TMTC4: variants seen among roughly 807,000 people sequenced by gnomAD.
TMTC4 encodes the protein protein O-mannosyl-transferase TMTC4.
A neutral mutation model predicts 86.0 loss-of-function variants in TMTC4; 65 were observed. The observed-to-expected ratio is 0.76, with a 90% confidence interval of 0.62 to 0.93. The LOEUF (loss-of-function observed/expected upper bound fraction) is 0.93, where lower values mean the gene tolerates loss of function less well. Among genes scored for constraint, TMTC4 ranks in the 40% least tolerant of loss-of-function variants. The pLI is 0.00. For synonymous variants in TMTC4, 379 were observed against 382.5 expected (o/e 0.99, Z 0.11); for missense variants, 866 against 948.1 (o/e 0.91, Z 1.14).
chr13:100,673,249 T>C (rs1358589940), intron 1 of TMTC4: 1 of 907,316 alleles, frequency 1.1e-6, no homozygotes, highest in African/African-American at 1.8e-5. Flanking sequence ...CTGTGAACCA[T>C]GAGGGCCCAA....
rs1373963408 is a variant in TMTC4 at position 100,662,950 on chromosome 13, C to G, written c.552+14G>C. 6.2e-7 allele frequency: 1 copy of G among 1,612,746 alleles called. No individual in the cohort carries two copies. The highest frequency in any genetic ancestry group is 8.5e-7 in the Non-Finnish European group (1 of 1,179,908). On this transcript the variant is annotated intron_variant, in intron 5 of 18. Coordinates refer to ENST00000342624, the MANE Select transcript of TMTC4 (RefSeq NM_032813.5). The stretch of plus-strand genomic sequence containing the variant: ...CTCACGTGCATACAGATGCCTCGGG[C>G]AGACGACACTTACACACTCGGTGTG...
At chr13:100,674,967 G>A (rs988109480), upstream of TMTC4, 25 of 985,502 alleles carry the variant, frequency 2.5e-5, no homozygotes, top group Non-Finnish European at 2.8e-5. Flanking sequence ...GTCACTTTCA[G>A]GCCACAGCCA....
intron 16 of TMTC4, 134 bp from the exon 17 acceptor site, chr13:100,612,644 G>C (rs1291609047): frequency 1.9e-6 from 1 of 522,022 alleles, no homozygotes; most frequent in Non-Finnish European, 3.3e-6. Flanking sequence ...AATCTGTGTA[G>C]ATCATGTAAT....
chr13:100,609,517 A>C (rs1459780007), intron 17 of TMTC4, among the ~76,000 whole-genome samples: 1 of 152,176 alleles, frequency 6.6e-6, no homozygotes, highest in East Asian at 1.9e-4. Context: ...TCAGCACAGG[A>C]AGCCATGATT....
chr13:100,668,397 G>C, intron 3 of TMTC4, 182 bp downstream of exon 3: 1 of 636,356 alleles, frequency 1.6e-6, no homozygotes, highest in Admixed American at 2.9e-5. Context: ...CTTGGTGCCA[G>C]CAATAAGAAA....
chr13:100,641,899 G>A (rs557807272), intron 7 of TMTC4, among the ~76,000 whole-genome samples: 8 of 152,256 alleles, frequency 5.3e-5, no homozygotes, highest in Middle Eastern at 3.4e-3. Context: ...AAGCATCCCA[G>A]AAAACTCAAA....
intron 12 of TMTC4, among the ~76,000 whole-genome samples, chr13:100,632,015 CCACA>C (rs60522457): frequency 3.0e-3 from 297 of 99,052 alleles, no homozygotes; most frequent in African/African-American, 6.0e-3. Context: ...TAAGAGGAAA[CCACA>C]CACACACACA....
chr13:100,609,483 G>C (rs1244916230), intron 17 of TMTC4, among the ~76,000 whole-genome samples: 1 of 152,102 alleles, frequency 6.6e-6, no homozygotes, highest in East Asian at 1.9e-4. Context: ...AGGGCCATTG[G>C]AATTAGCACT....
intron 6 of TMTC4, among the ~76,000 whole-genome samples, chr13:100,643,689 A>G (rs1353942604): frequency 6.6e-6 from 1 of 152,232 alleles, no homozygotes; most frequent in Non-Finnish European, 1.5e-5. Context: ...TGTGTATATT[A>G]AAAGACTATG....
At chr13:100,665,522 G>A (rs1413972457) in intron 3 of TMTC4, among the ~76,000 whole-genome samples, 1 of 152,230 alleles carries the variant, frequency 6.6e-6, no homozygotes, top group African/African-American at 2.4e-5. Context: ...CATGCGCCGG[G>A]CACCTGGCAG....
intron 7 of TMTC4, 44 bp downstream of exon 7, chr13:100,642,167 G>C: frequency 6.3e-7 from 1 of 1,599,508 alleles, no homozygotes; most frequent in Non-Finnish European, 8.6e-7. Context: ...GGAGGGAAAA[G>C]GACACACAGA....
chr13:100,663,001 G>A lies in TMTC4; in HGVS notation c.515C>T (p.Ala172Val), dbSNP rs760603260. Residue 172 changes from alanine to valine, a missense_variant, in exon 5 of 19, where the codon GCG (alanine) becomes GTG (valine). Ala to Val is a moderately conservative substitution (Grantham distance 64, BLOSUM62 0). Transcript: ENST00000342624. Reference protein sequence around the residue: ...HLAPRASLLAALLFAVHPVHT... With the variant: ...HLAPRASLLAVLLFAVHPVHT... ...CACAGGATGGACAGCAAACAGCAGC[G>A]CGGCCAGCAGGGACGCCCTGGGGGC... The A allele has an allele frequency of 9.3e-6, 15 of 1,613,950 alleles. No homozygotes were observed. The highest frequency in any genetic ancestry group is 8.9e-5 in the East Asian group (4 of 44,900).
chr13:100,658,025 A>AAC, intron 5 of TMTC4, among the ~76,000 whole-genome samples: 1 of 152,320 alleles, frequency 6.6e-6, no homozygotes, highest in South Asian at 2.1e-4. Flanking sequence ...CCAGGGACAA[A>AAC]ACAAAGGCTT....
intron 17 of TMTC4, among the ~76,000 whole-genome samples, chr13:100,607,388 G>A (rs762391644): frequency 6.6e-5 from 10 of 152,060 alleles, no homozygotes; most frequent in Non-Finnish European, 1.2e-4. Context: ...GTGGTAGTAC[G>A]TGCCTGTAAT....
chr13:100,625,357 T>C (rs1416403567), intron 15 of TMTC4, 178 bp downstream of exon 15: 1 of 837,358 alleles, frequency 1.2e-6, no homozygotes, highest in Non-Finnish European at 1.9e-6. Flanking sequence ...TGCTCTCTAA[T>C]GAGAGCTTTA....
At chr13:100,619,110 G>A (rs1228043522) in intron 15 of TMTC4, among the ~76,000 whole-genome samples, 7 of 149,236 alleles carry the variant, frequency 4.7e-5, no homozygotes, top group African/African-American at 1.5e-4. Flanking sequence ...GCGGCTGGCC[G>A]GACGGGGGGC....
intron 1 of TMTC4, 39 bp from the exon 2 acceptor site, chr13:100,670,608 T>A: frequency 2.2e-6 from 1 of 452,148 alleles, no homozygotes; most frequent in South Asian, 4.8e-5. Context: ...GACCCCAACC[T>A]CTATGCTTAC....
chr13:100,660,758 A>C (rs1885681251), intron 5 of TMTC4, among the ~76,000 whole-genome samples: 2 of 150,220 alleles, frequency 1.3e-5, no homozygotes. Context: ...GGTTCGAGTG[A>C]TTCTCCTGCC....
intron 6 of TMTC4, among the ~76,000 whole-genome samples, chr13:100,648,569 C>T (rs1884040433): frequency 6.6e-6 from 1 of 152,178 alleles, no homozygotes; most frequent in Non-Finnish European, 1.5e-5. Flanking sequence ...GTGCACATTG[C>T]TATGTTTGTA....
Sources: allele counts gnomAD v4.1 joint callset (sites outside exome capture counted in the v4.1 genomes callset), GRCh38; gene constraint gnomAD v4.1.1; transcripts MANE v1.5; gene names NCBI Gene and HGNC (gene_info 2026-07-23, HGNC 2026-07-21).